ZNF599: variants seen among roughly 807,000 people sequenced by gnomAD.
The protein encoded by ZNF599 is zinc finger protein 599.
ZNF599 carries 10 observed loss-of-function variants against 11.7 expected under a neutral mutation model. The ratio of observed to expected loss-of-function variants is 0.86; its 90% CI spans 0.53 to 1.45. ZNF599 has a LOEUF of 1.45. ZNF599 is among the 40% of genes most tolerant of loss of function. The pLI is 0.00. For synonymous variants in ZNF599, 232 were observed against 253.2 expected, an observed-to-expected ratio of 0.92 and a Z score of 0.79; for missense variants, 688 against 713.6, an observed-to-expected ratio of 0.96 and a Z score of 0.41.
Position 34,759,341 on chromosome 19 carries a change from G to C in ZNF599, c.1460C>G (p.Ala487Gly). Residue 487 changes from alanine to glycine, a missense_variant, in exon 4 of 4, where the codon GCC (alanine) becomes GGC (glycine). Ala to Gly is a moderately conservative substitution (Grantham distance 60). Transcript: ENST00000329285. The part of the protein sequence containing the change: ...KPLECKECAK[A>G]FYYSSSFTRH... The stretch of plus-strand genomic sequence containing the variant: ...AGTGAAGGAAGAGCTATAGTAAAAG[G>C]CTTTTGCACATTCTTTGCACTCCAA... The C allele has an allele frequency of 6.2e-7, 1 of 1,613,994 alleles. No homozygotes were observed. Among genetic ancestry groups the C allele is most frequent in the Non-Finnish European group, 8.5e-7 (1 of 1,180,008 alleles).
At chr19:34,786,497 A>G in the ZNF599 span, among the ~76,000 whole-genome samples, 1 of 152,120 alleles carries the variant, frequency 6.6e-6, no homozygotes. Flanking sequence ...GCCCCTGTGG[A>G]GTAACCCAGC....
At chr19:34,789,440 A>G in the ZNF599 span, among the ~76,000 whole-genome samples, 5 of 152,218 alleles carry the variant, frequency 3.3e-5, no homozygotes, top group Non-Finnish European at 7.4e-5. Flanking sequence ...ACTGTTTTCC[A>G]TAACCGCTTT....
chr19:34,782,355 C>G, the ZNF599 span, among the ~76,000 whole-genome samples: 1 of 152,094 alleles, frequency 6.6e-6, no homozygotes, highest in East Asian at 1.9e-4. Flanking sequence ...GTCGGCAGTC[C>G]CAGCCAAATA....
At chr19:34,790,587 C>T in the ZNF599 span, among the ~76,000 whole-genome samples, 1 of 151,954 alleles carries the variant, frequency 6.6e-6, no homozygotes, top group East Asian at 1.9e-4. Flanking sequence ...AAGTAGAGAG[C>T]GGAAGGCCTG....
intron 3 of ZNF599, among the ~76,000 whole-genome samples, chr19:34,762,073 TG>T (rs1393914004): frequency 6.6e-6 from 1 of 152,212 alleles, no homozygotes; most frequent in Non-Finnish European, 1.5e-5. Flanking sequence ...GTCTTAAATC[TG>T]TATGTGCCAA....
At chr19:34,790,701 ACTAT>A in the ZNF599 span, among the ~76,000 whole-genome samples, 1 of 152,196 alleles carries the variant, frequency 6.6e-6, no homozygotes, top group African/African-American at 2.4e-5. Context: ...CAGAACTGTG[ACTAT>A]AACAAACAAT....
At chr19:34,765,252 G>A in intron 3 of ZNF599, 1 of 265,824 alleles carries the variant, frequency 3.8e-6, no homozygotes. Flanking sequence ...ATGTTGGCAG[G>A]ACCTCGATTT....
At chr19:34,770,158 G>C (rs1161756256) in intron 1 of ZNF599, among the ~76,000 whole-genome samples, 1 of 152,194 alleles carries the variant, frequency 6.6e-6, no homozygotes, top group Non-Finnish European at 1.5e-5. Flanking sequence ...GTGTTACAAT[G>C]TGTGTAAATT....
At position 34,767,561 on chromosome 19, in the gene ZNF599, C is replaced by T. The variant is rs567739636; in HGVS notation, c.146-150G>A. Reference sequence around the variant, plus strand: ...TCACCAAAAGTATTCCCTAATTAACCTAAGTCAGTAGGATTCAACCACCCT... The same window carrying T: ...TCACCAAAAGTATTCCCTAATTAACTTAAGTCAGTAGGATTCAACCACCCT... On this transcript the variant is annotated intron_variant, in intron 2 of 3. Transcript: ENST00000329285. 230 of 568,390 alleles carry T rather than the reference C, an allele frequency of 4.0e-4. 1 individual carries two copies. The highest frequency in any genetic ancestry group is 3.9e-3 in the African/African-American group (208 of 53,430). 35.2% of individuals were successfully genotyped at this position (568,390 alleles called of 1,614,324 possible).
At chr19:34,775,990 C>T (rs1183910996), upstream of ZNF599, among the ~76,000 whole-genome samples, 1 of 152,072 alleles carries the variant, frequency 6.6e-6, no homozygotes, top group Non-Finnish European at 1.5e-5. Context: ...GTTATACATT[C>T]CTTCTCAGTG....
chr19:34,785,516 C>T, the ZNF599 span, among the ~76,000 whole-genome samples: 3 of 152,114 alleles, frequency 2.0e-5, no homozygotes, highest in Admixed American at 2.0e-4. Flanking sequence ...TGCCTTCTGC[C>T]CCCTGCTCTC....
chr19:34,797,474 T>C, the ZNF599 span, among the ~76,000 whole-genome samples: 2 of 152,028 alleles, frequency 1.3e-5, no homozygotes, highest in African/African-American at 2.4e-5. Flanking sequence ...CTCCAGCACC[T>C]GTTGTTTCCT....
the ZNF599 span, among the ~76,000 whole-genome samples, chr19:34,801,329 C>A: frequency 6.6e-5 from 10 of 152,184 alleles, no homozygotes; most frequent in Non-Finnish European, 1.0e-4. Flanking sequence ...TTAATAAGAC[C>A]TTTCTCCAGC....
the ZNF599 span, among the ~76,000 whole-genome samples, chr19:34,792,750 C>A: frequency 2.8e-3 from 426 of 152,022 alleles, 1 homozygote; most frequent in African/African-American, 0.01. Flanking sequence ...GTAGTCCCAG[C>A]TACTCGGGAG....
At chr19:34,779,788 C>G in the ZNF599 span, 1 of 215,232 alleles carries the variant, frequency 4.6e-6, no homozygotes. Flanking sequence ...ATTCTCTACA[C>G]CCATAAGGCC....
chr19:34,794,538 C>A, the ZNF599 span, among the ~76,000 whole-genome samples: 30 of 152,044 alleles, frequency 2.0e-4, no homozygotes, highest in African/African-American at 6.5e-4. Context: ...CTCATTCCCC[C>A]CTCAGAGATT....
the ZNF599 span, among the ~76,000 whole-genome samples, chr19:34,784,064 A>C: frequency 1.3e-5 from 2 of 152,288 alleles, no homozygotes; most frequent in Non-Finnish European, 2.9e-5. Flanking sequence ...CAAACAAAAG[A>C]AATTGATTAT....
chr19:34,768,554 A>G lies in ZNF599; in HGVS notation c.145+875T>C, dbSNP rs148124125. ...GGTGGGAGAGCATTTGGTATTTATT[A>G]ATTTGTTAAATGTAACAAACACATG... On this transcript the variant is annotated intron_variant, in intron 2 of 3. Transcript: ENST00000329285. 4.6e-3 allele frequency among the ~76,000 whole-genome samples: 700 copies of G among 152,354 alleles called. 5 individuals are homozygous for G. Among genetic ancestry groups the G allele is most frequent in the African/African-American group, 0.016 (680 of 41,570 alleles).
Position 34,772,914 on chromosome 19 carries a change from C to G in ZNF599, c.-73G>C. The G allele has an allele frequency of 7.2e-7, 1 of 1,394,890 alleles. No homozygotes were observed. The highest frequency in any genetic ancestry group is 9.3e-7 in the Non-Finnish European group (1 of 1,079,320). 86.4% of individuals were successfully genotyped at this position (1,394,890 alleles called of 1,614,324 possible). A position where few individuals can be genotyped will look rare whatever the true frequency, so the allele number is the denominator to read the frequency against. ...TCCTGCGGGCTCGGCCGACCCCGGG[C>G]TCCGGCTCTGGGCTGCGAGGGACCT... On this transcript the variant is annotated 5_prime_UTR_variant, in exon 1 of 4. Coordinates refer to ENST00000329285, the MANE Select transcript of ZNF599 (RefSeq NM_001007248.3).
Sources: allele counts gnomAD v4.1 joint callset (sites outside exome capture counted in the v4.1 genomes callset), GRCh38; gene constraint gnomAD v4.1.1; transcripts MANE v1.5; gene names NCBI Gene and HGNC (gene_info 2026-07-23, HGNC 2026-07-21).